The following PARP14 variants were observed in gnomAD, a reference collection of about 807,000 sequenced individuals.
The protein encoded by PARP14 is poly(ADP-ribose) polymerase family member 14, also known as protein mono-ADP-ribosyltransferase PARP14.
Under a neutral mutation model 154.2 loss-of-function variants are expected in PARP14, and 59 were observed. The ratio of observed to expected loss-of-function variants is 0.38; its 90% CI spans 0.31 to 0.48. The LOEUF (loss-of-function observed/expected upper bound fraction) is 0.48. Among genes scored for constraint, PARP14 ranks in the 20% least tolerant of loss-of-function variants. The pLI is 0.98. For missense variants in PARP14, 1,734 were observed against 2,131.6 expected, an observed-to-expected ratio of 0.81 and a Z score of 3.67; for synonymous variants, 720 against 780.5, an observed-to-expected ratio of 0.92 and a Z score of 1.29.
rs1405662429 is a variant in PARP14 at position 122,722,076 on chromosome 3, G to C, written c.4941+1688G>C. On this transcript the variant is annotated intron_variant, in intron 15 of 16. Transcript: ENST00000474629. ...ACTCATAATGTCCGTAAATCAAAAA[G>C]CAAACCATTTGATAAGGAGGCTCAC... 2.2e-4 allele frequency: 34 copies of C among 152,170 alleles called. 1 individual carries two copies. Among genetic ancestry groups the C allele is most frequent in the Admixed American group, 2.2e-3 (34 of 15,276 alleles). 9.4% of individuals were successfully genotyped at this position (152,170 alleles called of 1,614,324 possible).
intron 15 of PARP14, chr3:122,721,196 G>A (rs16833457): frequency 0.088 from 23,310 of 265,666 alleles, 1,186 homozygotes; most frequent in East Asian, 0.12. Context: ...ACCCTTCTTG[G>A]ATTCAACTAT....
At position 122,701,403 on chromosome 3, in the gene PARP14, A is replaced by T; in HGVS notation, c.2849A>T (p.Asp950Val). Residue 950 changes from aspartate to valine, a missense_variant, in exon 6 of 17, where the codon GAT becomes GTT. Physicochemically the swap from Asp to Val is radical, Grantham distance 152. Around this residue, in one of 2 missense-constraint regions of PARP14, gnomAD observed 1,646 missense variants for 1,976.0 expected, o/e 0.83. Transcript: ENST00000474629. The surrounding 1 kb of genome is among the most constrained non-coding windows in gnomAD (Gnocchi z 4.0). ...AAGGAAAACTTCCAATTCAAGAAGG[A>T]TGGACACTGCTTGAAAGAAATCTAC... ...AIKENFQFKK[D>V]GHCLKEIYLV... 6.2e-7 allele frequency: 1 copy of T among 1,613,884 alleles called. No individual in the cohort carries two copies. Among genetic ancestry groups the T allele is most frequent in the Non-Finnish European group, 8.5e-7 (1 of 1,179,724 alleles).
intron 15 of PARP14, among the ~76,000 whole-genome samples, chr3:122,727,446 G>A (rs1419167341): frequency 1.1e-4 from 17 of 152,212 alleles, no homozygotes; most frequent in Admixed American, 1.0e-3. Flanking sequence ...GGACTGAGGT[G>A]GTGAGAGGCA....
At chr3:122,723,677 A>C (rs934700890) in intron 15 of PARP14, among the ~76,000 whole-genome samples, 1 of 152,206 alleles carries the variant, frequency 6.6e-6, no homozygotes, top group African/African-American at 2.4e-5. Flanking sequence ...TCCCACTATT[A>C]ATGATGCTAA....
At chr3:122,702,303 G>A (rs760515805) in intron 6 of PARP14, among the ~76,000 whole-genome samples, 206 of 152,164 alleles carry the variant, frequency 1.4e-3, no homozygotes, top group Middle Eastern at 3.4e-3. Context: ...TGCAACCTCC[G>A]CCCCCTGGGT....
In PARP14 at chr3:122,714,368, T is replaced by C. The variant is rs1372491882; in HGVS notation, c.3939T>C (p.Ser1313=). Residue 1313 remains serine (S), a synonymous_variant, in exon 12 of 17, where the codon TCT becomes TCC. Transcript: ENST00000474629. ...ATGATGTCAAGAGTTCAGTTTCCTC[T>C]GTTTTGCAGGAGTGTGAAAAAAAAA... ...GGNDVKSSVS[S]VLQECEKKNY... 8 of 1,591,468 alleles carry C rather than the reference T, an allele frequency of 5.0e-6. 1 individual carries two copies. The East Asian group carries it at 1.8e-4, about 36-fold the overall frequency.
At chr3:122,712,667 C>T (rs1464532091) in intron 9 of PARP14, among the ~76,000 whole-genome samples, 1 of 151,980 alleles carries the variant, frequency 6.6e-6, no homozygotes, top group East Asian at 1.9e-4. Flanking sequence ...GATCCTCCTA[C>T]CTCAGCCTCC....
Position 122,700,950 on chromosome 3 carries a change from C to A in PARP14, c.2396C>A (p.Ala799Asp), listed in dbSNP as rs199869051. The change falls in exon 6 of 17, where the codon GCC becomes GAC. Residue 799 changes from alanine (A) to aspartate (D), a missense_variant. This residue lies in a region of PARP14 where 1,646 missense variants were observed against 1,976.0 expected (regional missense o/e 0.83). Transcript: ENST00000474629. ...AAGTGCTTCTCTCGGACAGTCTTGG[C>A]CCCTGGCGTTGTGCTGATTGTGCAG... ...GQKCFSRTVL[A>D]PGVVLIVQQG... The A allele has an allele frequency of 9.0e-5, 146 of 1,614,004 alleles. No individual in the cohort carries two copies. The highest frequency in any genetic ancestry group is 1.2e-4 in the Non-Finnish European group (137 of 1,179,882).
At chr3:122,710,220 T>G (rs1306429928) in intron 9 of PARP14, among the ~76,000 whole-genome samples, 3 of 152,176 alleles carry the variant, frequency 2.0e-5, no homozygotes, top group Non-Finnish European at 4.4e-5. Flanking sequence ...TGCTCCATTT[T>G]GAGTTGATTT....
chr3:122,682,360 AC>A (rs1421149291), intron 1 of PARP14, among the ~76,000 whole-genome samples: 2 of 152,046 alleles, frequency 1.3e-5, no homozygotes. Flanking sequence ...CATCTGAATC[AC>A]CTGGAGAGCA....
intron 1 of PARP14, among the ~76,000 whole-genome samples, 168 bp from the exon 2 acceptor site, chr3:122,685,017 T>C (rs1433225804): frequency 6.6e-6 from 1 of 152,224 alleles, no homozygotes; most frequent in South Asian, 2.1e-4. Flanking sequence ...GAAATTCAAA[T>C]CCATGTTTGC....
At chr3:122,712,866 T>C (rs371309487) in intron 9 of PARP14, among the ~76,000 whole-genome samples, 4 of 152,350 alleles carry the variant, frequency 2.6e-5, no homozygotes, top group East Asian at 1.9e-4. Context: ...TTGACAGCTT[T>C]TGATTTTCTT....
rs1938188457 is a variant in PARP14 at position 122,681,060 on chromosome 3, C to T, written c.177C>T (p.Tyr59=). The T allele has an allele frequency of 6.2e-7, 1 of 1,613,144 alleles. No homozygotes were observed. The change falls in exon 1 of 17, where the codon TAC becomes TAT. Residue 59 remains tyrosine, a synonymous_variant. Transcript: ENST00000474629. This position sits in a 1 kb window ranked among gnomAD's most constrained non-coding sequence, Gnocchi z 5.5. Reference sequence around the variant, plus strand: ...CATCCCGCTTCCTGGTGTTCTTCTACCCGGAGGACGGTGAGGGGCGCGAGG... The same window carrying T: ...CATCCCGCTTCCTGGTGTTCTTCTATCCGGAGGACGGTGAGGGGCGCGAGG... The part of the protein sequence containing the change: ...RSPSRFLVFF[Y]PEDVRQKVLE...
rs1933387296 is a variant in PARP14 at position 122,730,043 on chromosome 3, T to G, written c.*1446T>G. 6.6e-6 allele frequency: 1 copy of G among 152,188 alleles called. No homozygotes were observed. The highest frequency in any genetic ancestry group is 1.5e-5 in the Non-Finnish European group (1 of 68,028). 9.4% of individuals were successfully genotyped at this position (152,188 alleles called of 1,614,324 possible). On this transcript the variant is annotated 3_prime_UTR_variant, in exon 17 of 17. Transcript: ENST00000474629. ...AGCACCTACATTGTGTGCCAGGTAG[T>G]AAAATAGGTGCTTTCATACACATTG...
chr3:122,712,564 T>G (rs559500035), intron 9 of PARP14, among the ~76,000 whole-genome samples: 4 of 149,902 alleles, frequency 2.7e-5, no homozygotes, highest in Admixed American at 2.7e-4. Context: ...GACATCTTTT[T>G]TTTTTTGAGA....
At chr3:122,699,273 C>A (rs1163610130) in intron 5 of PARP14, 117 bp from the exon 6 acceptor site, 1 of 575,922 alleles carries the variant, frequency 1.7e-6, no homozygotes, top group Non-Finnish European at 3.0e-6. Context: ...TATTTCTTTC[C>A]TTTAAGTGTT....
intron 5 of PARP14, among the ~76,000 whole-genome samples, chr3:122,696,511 T>G (rs931902716): frequency 7.2e-5 from 11 of 152,160 alleles, no homozygotes; most frequent in African/African-American, 1.4e-4. Context: ...GACCTACTAT[T>G]CCTTGGGCAA....
intron 8 of PARP14, among the ~76,000 whole-genome samples, chr3:122,706,460 T>C (rs1212813783): frequency 2.0e-5 from 3 of 152,224 alleles, no homozygotes. Context: ...GTTGCTAACA[T>C]TTAAAAATCA....
chr3:122,722,822 C>T (rs1933192761), intron 15 of PARP14, among the ~76,000 whole-genome samples: 1 of 152,172 alleles, frequency 6.6e-6, no homozygotes, highest in African/African-American at 2.4e-5. Context: ...CATCATGATA[C>T]TCCTATTTTA....
Sources: gnomAD v4.1 joint callset for allele counts (sites outside exome capture counted in the v4.1 genomes callset) on GRCh38, gnomAD v4.1.1 for gene constraint, gnomAD v4.1.1 regional missense constraint, Gnocchi (gnomAD v3.1) non-coding constraint, MANE v1.5 for transcripts, NCBI Gene and HGNC (gene_info 2026-07-23, HGNC 2026-07-21) for gene names.